The following TTC7B variants were observed in gnomAD, a reference collection of about 807,000 sequenced individuals.
TTC7B encodes tetratricopeptide repeat protein 7B.
Under a neutral mutation model 106.8 loss-of-function variants are expected in TTC7B, and 28 were observed. The ratio of observed to expected loss-of-function variants is 0.26; its 90% CI spans 0.19 to 0.36. TTC7B has a LOEUF of 0.36. Among genes scored for constraint, TTC7B ranks in the 10% least tolerant of loss-of-function variants. The pLI is 1.00. For missense variants in TTC7B, 862 were observed against 1,076.4 expected, an observed-to-expected ratio of 0.80 and a Z score of 2.79; for synonymous variants, 405 against 430.6, an observed-to-expected ratio of 0.94 and a Z score of 0.74.
intron 6 of TTC7B, among the ~76,000 whole-genome samples, chr14:90,693,297 C>T (rs1271338953): frequency 6.6e-6 from 1 of 151,452 alleles, no homozygotes; most frequent in African/African-American, 2.4e-5. Flanking sequence ...AATGAACGTC[C>T]CTAGATAGGA....
intron 5 of TTC7B, among the ~76,000 whole-genome samples, chr14:90,722,169 C>A (rs1198095073): frequency 6.6e-6 from 1 of 152,142 alleles, no homozygotes; most frequent in Non-Finnish European, 1.5e-5. Context: ...AGGAAGGCGC[C>A]CTATATCTCA....
chr14:90,647,141 A>G, intron 13 of TTC7B, 118 bp from the exon 14 acceptor site: 1 of 793,702 alleles, frequency 1.3e-6, no homozygotes, highest in South Asian at 1.5e-5. Context: ...TTATTTAACT[A>G]TGTAATGCTT....
rs538438241 is a variant in TTC7B at position 90,542,576 on chromosome 14, G to A, written c.2311-987C>T. On this transcript the variant is annotated intron_variant, in intron 19 of 19. Transcript: ENST00000328459. ...TCCAATCTCTTTGCTGTTCCAAATC[G>A]CACAGACATGAACATCTTTCCAGAA... 9.9e-5 allele frequency among the ~76,000 whole-genome samples: 15 copies of A among 152,256 alleles called. No homozygotes were observed. In the East Asian group the frequency reaches 1.7e-3, roughly 18 times the overall value.
At chr14:90,751,153 T>C (rs1394949730) in intron 3 of TTC7B, among the ~76,000 whole-genome samples, 1 of 152,214 alleles carries the variant, frequency 6.6e-6, no homozygotes, top group Non-Finnish European at 1.5e-5. Flanking sequence ...CAATGCCTAG[T>C]AAACATCTCA....
chr14:90,714,750 C>T (rs1294474642), intron 5 of TTC7B, among the ~76,000 whole-genome samples: 1 of 152,114 alleles, frequency 6.6e-6, no homozygotes, highest in African/African-American at 2.4e-5. Context: ...AGCCACCATG[C>T]CCCGCCTATA....
chr14:90,667,178 G>T lies in TTC7B; in HGVS notation c.1153-8791C>A, dbSNP rs139276304. On this transcript the variant is annotated intron_variant, in intron 9 of 19. Coordinates refer to ENST00000328459, the MANE Select transcript of TTC7B (RefSeq NM_001010854.2). The stretch of plus-strand genomic sequence containing the variant: ...GGAGGAAGTAAGGAGTTGAGAGTGC[G>T]GCAGCCTGGGACATACCACGTACAA... Among the ~76,000 whole-genome samples the T allele has an allele frequency of 2.9e-3, 435 of 152,306 alleles. 5 individuals are homozygous for T. Among genetic ancestry groups the T allele is most frequent in the African/African-American group, 0.01 (418 of 41,554 alleles).
In TTC7B at chr14:90,676,545, C is replaced by T. The variant is rs368489112; in HGVS notation, c.1130G>A (p.Gly377Asp). ...DLLTIALGRR[G>D]QYEMLSECLE... is the part of the protein sequence containing the mutation. ...TACCTCTGACAGCATCTCATACTGG[C>T]CTCTTCTTCCAAGAGCAATGGTGAG... The change falls in exon 9 of 20, where the codon GGC becomes GAC. Residue 377 changes from glycine (G) to aspartate (D), a missense_variant. By Grantham distance (94) the Gly-to-Asp change is moderately conservative. Coordinates refer to ENST00000328459, the MANE Select transcript of TTC7B (RefSeq NM_001010854.2). The T allele has an allele frequency of 4.8e-5, 77 of 1,614,078 alleles. No individual in the cohort carries two copies. In the East Asian group the frequency reaches 1.0e-3, roughly 22 times the overall value.
chr14:90,707,173 C>A (rs1243961888), intron 5 of TTC7B, among the ~76,000 whole-genome samples: 1 of 152,168 alleles, frequency 6.6e-6, no homozygotes, highest in Non-Finnish European at 1.5e-5. Flanking sequence ...ACTAATAATA[C>A]CACCATCAAT....
intron 1 of TTC7B, among the ~76,000 whole-genome samples, chr14:90,798,920 C>CA (rs2030066375): frequency 6.6e-6 from 1 of 152,068 alleles, no homozygotes; most frequent in African/African-American, 2.4e-5. Context: ...TCATTACCTA[C>CA]AAAAAACATG....
At chr14:90,729,108 G>A (rs1302727642) in intron 5 of TTC7B, among the ~76,000 whole-genome samples, 1 of 152,206 alleles carries the variant, frequency 6.6e-6, no homozygotes, top group Non-Finnish European at 1.5e-5. Context: ...CTCAGCCAGA[G>A]GCCTCTGGAC....
At chr14:90,722,729 G>A (rs1040486939) in intron 5 of TTC7B, among the ~76,000 whole-genome samples, 1 of 152,176 alleles carries the variant, frequency 6.6e-6, no homozygotes, top group Admixed American at 6.5e-5. Context: ...TGATCCAGGG[G>A]TCACAATTTG....
At chr14:90,633,621 C>T (rs571974091) in intron 15 of TTC7B, among the ~76,000 whole-genome samples, 9 of 152,188 alleles carry the variant, frequency 5.9e-5, no homozygotes, top group African/African-American at 1.4e-4. Context: ...TCAAAGCTCT[C>T]GACCAACAGT....
intron 17 of TTC7B, among the ~76,000 whole-genome samples, chr14:90,595,926 C>A (rs889220368): frequency 4.6e-5 from 7 of 152,158 alleles, no homozygotes; most frequent in Non-Finnish European, 4.4e-5. Context: ...GCAGCCTGAG[C>A]TCTCCTGCTT....
intron 15 of TTC7B, among the ~76,000 whole-genome samples, chr14:90,630,220 T>C (rs997154108): frequency 7.5e-6 from 1 of 133,838 alleles, no homozygotes; most frequent in Non-Finnish European, 1.7e-5. Context: ...ATTTTGTCCC[T>C]CTTGACAAGC....
rs752951848 is a variant in TTC7B at position 90,578,062 on chromosome 14, TC to T, written c.2310+43del. 2 of 1,566,288 alleles carry T rather than the reference TC, an allele frequency of 1.3e-6. No homozygotes were observed. Among genetic ancestry groups the T allele is most frequent in the South Asian group, 2.3e-5 (2 of 85,804 alleles). On this transcript the variant is annotated intron_variant, in intron 19 of 19. Coordinates refer to ENST00000328459, the MANE Select transcript of TTC7B (RefSeq NM_001010854.2). This position sits in a 1 kb window ranked among gnomAD's most constrained non-coding sequence, Gnocchi z 4.7. Reference sequence around the variant, plus strand: ...TGCTACCTGCCGCTTCCAAGGGCTGTCCCCATGCCAGAGTAGGGGCCACCGC... The same window carrying T: ...TGCTACCTGCCGCTTCCAAGGGCTGTCCCATGCCAGAGTAGGGGCCACCGC...
At chr14:90,710,200 TG>T (rs1261346822) in intron 5 of TTC7B, among the ~76,000 whole-genome samples, 1 of 152,110 alleles carries the variant, frequency 6.6e-6, no homozygotes, top group African/African-American at 2.4e-5. Context: ...TGAATGACTT[TG>T]AGGGCTTCAA....
chr14:90,618,379 A>C (rs750023307), intron 15 of TTC7B, among the ~76,000 whole-genome samples: 24 of 152,224 alleles, frequency 1.6e-4, no homozygotes, highest in Non-Finnish European at 3.2e-4. Context: ...AACCTCAAAA[A>C]CTCATTAAAA....
At chr14:90,595,119 G>A (rs755171376) in intron 17 of TTC7B, among the ~76,000 whole-genome samples, 9 of 152,010 alleles carry the variant, frequency 5.9e-5, no homozygotes, top group Non-Finnish European at 1.3e-4. Context: ...AGATCAGGAG[G>A]TCAGGAGATC....
rs966021660 is a variant in TTC7B at position 90,602,517 on chromosome 14, A to G, written c.1966+8225T>C. ...GGAGTTGGAAACCAGCCTGGGCAAC[A>G]CAGTGAGGCCTCCTCTCTGCCAAAA... On this transcript the variant is annotated intron_variant, in intron 17 of 19. Coordinates refer to ENST00000328459, the MANE Select transcript of TTC7B (RefSeq NM_001010854.2). 3.9e-5 allele frequency among the ~76,000 whole-genome samples: 6 copies of G among 152,180 alleles called. No homozygotes were observed. The East Asian group carries it at 9.7e-4, about 25-fold the overall frequency.
Sources: gnomAD v4.1 joint callset for allele counts (sites outside exome capture counted in the v4.1 genomes callset) on GRCh38, gnomAD v4.1.1 for gene constraint, Gnocchi (gnomAD v3.1) non-coding constraint, MANE v1.5 for transcripts, NCBI Gene and HGNC (gene_info 2026-07-23, HGNC 2026-07-21) for gene names.